DEPTOR: variants seen among roughly 807,000 people sequenced by gnomAD.
DEPTOR encodes DEP domain containing MTOR interacting protein.
Under a neutral mutation model 41.6 loss-of-function variants are expected in DEPTOR, and 41 were observed. The observed-to-expected ratio is 0.98, with a 90% CI of 0.77 to 1.28. The LOEUF (loss-of-function observed/expected upper bound fraction) is 1.28, where lower values mean the gene tolerates loss of function less well. DEPTOR is among the 50% of genes most tolerant of loss of function. DEPTOR has a pLI of 0.00. For synonymous variants in DEPTOR, 195 were observed against 192.3 expected, an observed-to-expected ratio of 1.01 and a Z score of -0.12; for missense variants, 514 against 527.9, an observed-to-expected ratio of 0.97 and a Z score of 0.26.
chr8:119,916,396 C>T (rs1245533205), intron 1 of DEPTOR, among the ~76,000 whole-genome samples: 1 of 150,512 alleles, frequency 6.6e-6, no homozygotes, highest in Non-Finnish European at 1.5e-5. Context: ...GCTGGGATTA[C>T]AGGCACGAGC....
At chr8:119,976,600 A>T (rs1828698766) in intron 4 of DEPTOR, among the ~76,000 whole-genome samples, 1 of 152,200 alleles carries the variant, frequency 6.6e-6, no homozygotes. Flanking sequence ...TACCTGAAGA[A>T]GAGAAACTGA....
chr8:120,022,972 C>T (rs182504432), intron 8 of DEPTOR, among the ~76,000 whole-genome samples: 1 of 152,164 alleles, frequency 6.6e-6, no homozygotes, highest in African/African-American at 2.4e-5. Flanking sequence ...CAGTATCGGT[C>T]AGTTAGGAAT....
At chr8:119,986,905 T>C (rs1828837112) in intron 4 of DEPTOR, among the ~76,000 whole-genome samples, 1 of 151,980 alleles carries the variant, frequency 6.6e-6, no homozygotes, top group African/African-American at 2.4e-5. Context: ...TTCTCGAAAC[T>C]GGTTATTCTA....
At chr8:120,021,026 T>C (rs1229299091) in intron 8 of DEPTOR, among the ~76,000 whole-genome samples, 2 of 112,624 alleles carry the variant, frequency 1.8e-5, no homozygotes, top group Non-Finnish European at 3.8e-5. Context: ...ACCCCTGCAC[T>C]CTAGCCTGGG....
chr8:120,002,873 G>A (rs1314934814), intron 5 of DEPTOR, 104 bp from the exon 6 acceptor site: 24 of 1,325,098 alleles, frequency 1.8e-5, no homozygotes, highest in Non-Finnish European at 2.3e-5. Flanking sequence ...TAAGACCAGT[G>A]TGCTTTCTCC....
At chr8:120,002,118 A>C (rs1259189521) in intron 5 of DEPTOR, among the ~76,000 whole-genome samples, 1 of 152,098 alleles carries the variant, frequency 6.6e-6, no homozygotes, top group African/African-American at 2.4e-5. Flanking sequence ...AAAATTTAAA[A>C]ATAAATAAAT....
intron 8 of DEPTOR, among the ~76,000 whole-genome samples, chr8:120,024,955 G>GA (rs1381834371): frequency 2.3e-4 from 35 of 152,094 alleles, no homozygotes; most frequent in Admixed American, 1.6e-3. Flanking sequence ...TCATTGACCG[G>GA]AAAAAAATGT....
intron 8 of DEPTOR, among the ~76,000 whole-genome samples, chr8:120,037,760 C>T (rs996490345): frequency 5.1e-4 from 78 of 152,194 alleles, no homozygotes; most frequent in African/African-American, 1.8e-3. Flanking sequence ...GAAGATAAGA[C>T]GCTATATGCC....
In DEPTOR at chr8:119,928,494, CTGAT is replaced by C; in HGVS notation, c.221_224del (p.Ile74AsnfsTer18). On this transcript the variant is annotated frameshift_variant, in exon 2 of 9. Coordinates refer to ENST00000286234, the MANE Select transcript of DEPTOR (RefSeq NM_022783.4). LOFTEE classifies it high-confidence loss of function. ...TGTCGCAAAAGAACTGATTGACTGGCTGATTGAACACAAAGAGGCTTCTGACAGA... is the reference window on the plus strand; with the variant it reads ...TGTCGCAAAAGAACTGATTGACTGGCTGAACACAAAGAGGCTTCTGACAGA... 2 of 1,614,166 alleles carry C rather than the reference CTGAT, an allele frequency of 1.2e-6. No individual in the cohort carries two copies. The highest frequency in any genetic ancestry group is 1.7e-6 in the Non-Finnish European group (2 of 1,180,022).
Position 120,003,049 on chromosome 8 carries a change from G to A in DEPTOR, c.863G>A (p.Gly288Asp). The A allele has an allele frequency of 6.2e-7, 1 of 1,611,280 alleles. No individual in the cohort carries two copies. Among genetic ancestry groups the A allele is most frequent in the Non-Finnish European group, 8.5e-7 (1 of 1,179,324 alleles). The stretch of plus-strand genomic sequence containing the variant: ...AGCATGAGCAGCTGTGGCAGCAGCG[G>A]CTACTTCAGCAGCAGCCCCACCCTC... ...RSSMSSCGSS[G>D]YFSSSPTLSS... Residue 288 changes from glycine (G) to aspartate (D), a missense_variant, in exon 6 of 9, where the codon GGC becomes GAC. Physicochemically the swap from Gly to Asp is moderately conservative, Grantham distance 94 (BLOSUM62 -1). Coordinates refer to ENST00000286234, the MANE Select transcript of DEPTOR (RefSeq NM_022783.4).
At chr8:119,946,022 G>C (rs992971514) in intron 3 of DEPTOR, among the ~76,000 whole-genome samples, 3 of 152,048 alleles carry the variant, frequency 2.0e-5, no homozygotes, top group South Asian at 2.1e-4. Flanking sequence ...TCGGTTGGTC[G>C]GGCGCTTTGT....
rs564982376 is a variant in DEPTOR at position 119,938,412 on chromosome 8, T to G, written c.425+8474T>G. ...GTATTTAATAACTTTAGAACAAAAT[T>G]TAAGTGGTTTTATTGTTCATGTGCA... is the stretch of plus-strand genomic sequence containing the variant. On this transcript the variant is annotated intron_variant, in intron 3 of 8. Transcript: ENST00000286234. 1.1e-4 allele frequency among the ~76,000 whole-genome samples: 17 copies of G among 152,326 alleles called. No individual in the cohort carries two copies. In the South Asian group the frequency reaches 1.4e-3, roughly 13 times the overall value.
At chr8:119,989,696 C>T (rs531382618) in intron 4 of DEPTOR, among the ~76,000 whole-genome samples, 12 of 152,260 alleles carry the variant, frequency 7.9e-5, no homozygotes, top group South Asian at 6.2e-4. Flanking sequence ...GGCACAGGGC[C>T]GTGCACAGGC....
intron 3 of DEPTOR, among the ~76,000 whole-genome samples, chr8:119,954,106 A>C (rs1156571945): frequency 6.6e-6 from 1 of 151,574 alleles, no homozygotes; most frequent in African/African-American, 2.4e-5. Flanking sequence ...ATGCCTGGCC[A>C]AGGTAATGGT....
intron 8 of DEPTOR, among the ~76,000 whole-genome samples, chr8:120,036,058 A>G (rs1812974821): frequency 6.6e-6 from 1 of 152,202 alleles, no homozygotes. Flanking sequence ...TCCAGTATGT[A>G]TGGACTGAAC....
At chr8:119,916,475 G>T (rs1827817422) in intron 1 of DEPTOR, among the ~76,000 whole-genome samples, 1 of 152,074 alleles carries the variant, frequency 6.6e-6, no homozygotes, top group Admixed American at 6.6e-5. Context: ...CCATTCAGAT[G>T]TAAGGTTATT....
intron 3 of DEPTOR, among the ~76,000 whole-genome samples, chr8:119,949,774 G>C (rs1247123666): frequency 6.6e-6 from 1 of 152,076 alleles, no homozygotes; most frequent in African/African-American, 2.4e-5. Flanking sequence ...CCACCTCCCG[G>C]GTTCAAGCAA....
chr8:119,970,853 A>G (rs1342274029), intron 4 of DEPTOR, among the ~76,000 whole-genome samples: 2 of 152,110 alleles, frequency 1.3e-5, no homozygotes, highest in African/African-American at 4.8e-5. Flanking sequence ...CTAGCCGTGA[A>G]ATGCAGTAAC....
chr8:119,874,627 G>T (rs922006274), intron 1 of DEPTOR: 3 of 152,180 alleles, frequency 2.0e-5, no homozygotes, highest in African/African-American at 7.2e-5. Context: ...TTGTCGGGCT[G>T]CCTTGAGGCT....
Sources: gnomAD v4.1 joint callset for allele counts (sites outside exome capture counted in the v4.1 genomes callset) on GRCh38, gnomAD v4.1.1 for gene constraint, MANE v1.5 for transcripts, NCBI Gene and HGNC (gene_info 2026-07-23, HGNC 2026-07-21) for gene names.